OXR1: variants seen among roughly 807,000 people sequenced by gnomAD.
OXR1 encodes the protein oxidation resistance 1.
A neutral mutation model predicts 104.6 loss-of-function variants in OXR1; 41 were observed. That is an observed-to-expected ratio of 0.39 (90% confidence interval 0.31 to 0.51). OXR1 has a LOEUF of 0.51. OXR1 is among the 20% of genes least tolerant of loss of function. The probability of loss-of-function intolerance (pLI) is 0.77; values close to 1 mark genes in which losing one functional copy is unlikely to be tolerated. For synonymous variants in OXR1, 348 were observed against 348.4 expected, an observed-to-expected ratio of 1.00 and a Z score of 0.01; for missense variants, 955 against 1,031.9, an observed-to-expected ratio of 0.93 and a Z score of 1.02.
At chr8:106,577,612 A>C (rs757485437) in intron 3 of OXR1, among the ~76,000 whole-genome samples, 1 of 151,430 alleles carries the variant, frequency 6.6e-6, no homozygotes, top group Non-Finnish European at 1.5e-5. Flanking sequence ...CTGGTCTCGA[A>C]CTCCTGACCT....
chr8:106,435,887 A>G (rs1241238818), intron 2 of OXR1, among the ~76,000 whole-genome samples: 1 of 152,166 alleles, frequency 6.6e-6, no homozygotes, highest in African/African-American at 2.4e-5. Flanking sequence ...GTTGTTGGTC[A>G]TACAAATATG....
intron 2 of OXR1, among the ~76,000 whole-genome samples, chr8:106,435,631 C>T (rs1015073951): frequency 2.6e-5 from 4 of 152,192 alleles, no homozygotes; most frequent in South Asian, 2.1e-4. Context: ...CATGATGGGA[C>T]GGGGTGACCA....
chr8:106,404,896 G>A (rs191857749), intron 2 of OXR1, among the ~76,000 whole-genome samples: 3 of 151,772 alleles, frequency 2.0e-5, no homozygotes, highest in Non-Finnish European at 2.9e-5. Context: ...TAGTAGAGAC[G>A]GGGTTTCACC....
chr8:106,519,055 A>G lies in OXR1; in HGVS notation c.136A>G (p.Ile46Val), dbSNP rs755865105. The change falls in exon 3 of 17, where the codon ATC becomes GTC. Residue 46 changes from isoleucine to valine, a missense_variant. Transcript: ENST00000517566. ...ASKPPAPKTP[I>V]IEEEQNNAAN... ...TAAGCCCCCGGCACCCAAGACCCCCATCATTGAAGAAGAGCAGAACAATGC... is the reference window on the plus strand; with the variant it reads ...TAAGCCCCCGGCACCCAAGACCCCCGTCATTGAAGAAGAGCAGAACAATGC... The G allele has an allele frequency of 4.5e-6, 7 of 1,551,968 alleles. No homozygotes were observed. Among genetic ancestry groups the G allele is most frequent in the Admixed American group, 2.0e-5 (1 of 50,978 alleles).
At chr8:106,537,806 G>A (rs1814658102) in intron 3 of OXR1, among the ~76,000 whole-genome samples, 1 of 152,100 alleles carries the variant, frequency 6.6e-6, no homozygotes, top group South Asian at 2.1e-4. Flanking sequence ...TTCAGAGAGG[G>A]GGGAATATAC....
intron 2 of OXR1, among the ~76,000 whole-genome samples, chr8:106,481,317 A>G (rs1051570305): frequency 6.6e-6 from 1 of 152,070 alleles, no homozygotes; most frequent in African/African-American, 2.4e-5. Context: ...AAATTTAAAC[A>G]AATAAGCTTT....
chr8:106,710,045 C>T (rs1434219003), intron 9 of OXR1, among the ~76,000 whole-genome samples: 1 of 152,098 alleles, frequency 6.6e-6, no homozygotes, highest in African/African-American at 2.4e-5. Flanking sequence ...TTCAGACCCT[C>T]AGTATACTCT....
At chr8:106,742,355 T>A (rs1784468) in intron 15 of OXR1, 38 bp downstream of exon 15, 1 of 1,242,602 alleles carries the variant, frequency 8.0e-7, no homozygotes, top group Non-Finnish European at 1.2e-6. Context: ...TTATAAAGAG[T>A]TGACATAACA....
intron 3 of OXR1, among the ~76,000 whole-genome samples, chr8:106,632,706 T>G (rs1446743772): frequency 6.6e-6 from 1 of 152,174 alleles, no homozygotes. Context: ...TGCATCACAA[T>G]GTAAATAGTA....
chr8:106,441,967 G>T (rs2130590456), intron 2 of OXR1, among the ~76,000 whole-genome samples: 1 of 152,248 alleles, frequency 6.6e-6, no homozygotes, highest in South Asian at 2.1e-4. Context: ...AATAGGAGTG[G>T]TGAGAGAGGG....
intron 3 of OXR1, among the ~76,000 whole-genome samples, chr8:106,636,509 A>G (rs1247061176): frequency 2.6e-5 from 4 of 152,186 alleles, no homozygotes; most frequent in Non-Finnish European, 4.4e-5. Flanking sequence ...CCAGAGATAG[A>G]CACTATGCTG....
At chr8:106,746,341 C>T (rs1265849561) in intron 16 of OXR1, among the ~76,000 whole-genome samples, 5 of 6,156 alleles carry the variant, frequency 8.1e-4, no homozygotes, top group Non-Finnish European at 1.3e-3. Context: ...ATGAATCAGA[C>T]AATAATGTGA....
chr8:106,547,888 G>A (rs1403595701), intron 3 of OXR1, among the ~76,000 whole-genome samples: 1 of 152,078 alleles, frequency 6.6e-6, no homozygotes, highest in Non-Finnish European at 1.5e-5. Context: ...GGACACATGG[G>A]TTACTTTCAT....
At chr8:106,505,285 G>C (rs1812084321) in intron 2 of OXR1, among the ~76,000 whole-genome samples, 1 of 152,212 alleles carries the variant, frequency 6.6e-6, no homozygotes, top group African/African-American at 2.4e-5. Context: ...TGAAGCCTAT[G>C]AGGAGGGGGT....
chr8:106,675,462 A>G (rs113679723), intron 3 of OXR1, among the ~76,000 whole-genome samples: 2,415 of 152,222 alleles, frequency 0.016, 26 homozygotes, highest in Non-Finnish European at 0.024. Flanking sequence ...TCTTAACACT[A>G]TCTTAGCTGT....
At chr8:106,494,027 A>G (rs761084002) in intron 2 of OXR1, among the ~76,000 whole-genome samples, 5 of 152,238 alleles carry the variant, frequency 3.3e-5, no homozygotes, top group Non-Finnish European at 4.4e-5. Context: ...TATGAGATTT[A>G]TACCAGAAAA....
intron 3 of OXR1, among the ~76,000 whole-genome samples, chr8:106,556,177 ATGATACTTCCTTTTTGG>A (rs1816269664): frequency 6.6e-6 from 1 of 152,148 alleles, no homozygotes; most frequent in East Asian, 1.9e-4. Flanking sequence ...CTTAATGGAT[ATGATACTTCCTTTTTGG>A]TGATGAAAAT....
chr8:106,291,887 C>A (rs2130044158), intron 1 of OXR1, among the ~76,000 whole-genome samples: 1 of 152,268 alleles, frequency 6.6e-6, no homozygotes, highest in Non-Finnish European at 1.5e-5. Flanking sequence ...GACTTATTCA[C>A]TACCATGAGA....
At chr8:106,275,131 C>T (rs540776355) in intron 1 of OXR1, among the ~76,000 whole-genome samples, 1 of 152,270 alleles carries the variant, frequency 6.6e-6, no homozygotes, top group African/African-American at 2.4e-5. Flanking sequence ...GAAAAGACTT[C>T]AGAACATAAT....
Sources: allele counts gnomAD v4.1 joint callset (sites outside exome capture counted in the v4.1 genomes callset), GRCh38; gene constraint gnomAD v4.1.1; transcripts MANE v1.5; gene names NCBI Gene and HGNC (gene_info 2026-07-23, HGNC 2026-07-21).